Variants in SLC9A4 observed in about 807,000 individuals in gnomAD.
SLC9A4 encodes solute carrier family 9 member A4.
Under a neutral mutation model 67.4 loss-of-function variants are expected in SLC9A4, and 63 were observed. The ratio of observed to expected loss-of-function variants is 0.93; its 90% CI spans 0.76 to 1.15. SLC9A4 has a LOEUF of 1.15. SLC9A4 is among the 50% of genes most tolerant of loss of function. The pLI, the probability that SLC9A4 is intolerant of heterozygous loss-of-function variation, is 0.00. For synonymous variants in SLC9A4, 393 were observed against 367.2 expected, an observed-to-expected ratio of 1.07 and a Z score of -0.80; for missense variants, 1,089 against 987.7, an observed-to-expected ratio of 1.10 and a Z score of -1.38.
intron 2 of SLC9A4, among the ~76,000 whole-genome samples, chr2:102,500,957 T>C (rs1007176333): frequency 1.5e-5 from 1 of 68,030 alleles, no homozygotes; most frequent in Admixed American, 1.5e-4. Context: ...AAAGCAACAA[T>C]CTTTTTTTTT....
intron 2 of SLC9A4, among the ~76,000 whole-genome samples, chr2:102,495,357 T>G (rs1409216769): frequency 2.0e-5 from 3 of 152,072 alleles, no homozygotes; most frequent in African/African-American, 7.2e-5. Context: ...TATAGAACAT[T>G]GCTGGCAGGA....
chr2:102,526,399 A>G, intron 11 of SLC9A4, 53 bp downstream of exon 11: 1 of 1,558,488 alleles, frequency 6.4e-7, no homozygotes, highest in East Asian at 2.3e-5. Context: ...CAGGTGGTAA[A>G]TATCTGGGGG....
intron 2 of SLC9A4, among the ~76,000 whole-genome samples, chr2:102,496,151 T>A (rs184931769): frequency 2.0e-5 from 3 of 152,286 alleles, no homozygotes; most frequent in Admixed American, 2.0e-4. Flanking sequence ...AATATGGAAA[T>A]AATTTTAAAT....
chr2:102,523,133 ATT>A (rs33951404), intron 9 of SLC9A4, among the ~76,000 whole-genome samples: 72,807 of 148,264 alleles, frequency 0.49, 18,848 homozygotes, highest in Admixed American at 0.58. Context: ...CACACCCAGC[ATT>A]TTTTTTTTTT....
At chr2:102,520,036 T>A in intron 9 of SLC9A4, 81 bp downstream of exon 9, 1 of 1,156,400 alleles carries the variant, frequency 8.6e-7, no homozygotes, top group Non-Finnish European at 1.3e-6. Flanking sequence ...GATGTTCAAG[T>A]CTCCTGATGT....
At chr2:102,509,174 G>T (rs142067286) in intron 6 of SLC9A4, among the ~76,000 whole-genome samples, 1 of 152,190 alleles carries the variant, frequency 6.6e-6, no homozygotes, top group Non-Finnish European at 1.5e-5. Flanking sequence ...GCAGGGCTGC[G>T]CTCCTTTCTG....
intron 2 of SLC9A4, among the ~76,000 whole-genome samples, chr2:102,486,437 T>A (rs1684590918): frequency 6.6e-6 from 1 of 152,234 alleles, no homozygotes; most frequent in South Asian, 2.1e-4. Context: ...TGTCTGTCTA[T>A]CTGAACGTTG....
intron 2 of SLC9A4, among the ~76,000 whole-genome samples, chr2:102,503,038 C>T (rs937743368): frequency 6.6e-6 from 1 of 152,236 alleles, no homozygotes; most frequent in Non-Finnish European, 1.5e-5. Context: ...GGCCCTTCTG[C>T]CTGCACCTGA....
chr2:102,524,191 A>T lies in SLC9A4; in HGVS notation c.1819-833A>T, dbSNP rs940111186. On this transcript the variant is annotated intron_variant, in intron 9 of 11. Transcript: ENST00000295269. ...CCTATTACAGCATCCGTCACTTGGG[A>T]GGGAGAGCCCCTGCTGTCCCAATCC... 3.9e-5 allele frequency among the ~76,000 whole-genome samples: 6 copies of T among 152,316 alleles called. No homozygotes were observed. In the South Asian group the frequency reaches 1.0e-3, roughly 26 times the overall value.
chr2:102,519,419 T>C (rs911489628), intron 8 of SLC9A4, among the ~76,000 whole-genome samples: 5 of 152,226 alleles, frequency 3.3e-5, no homozygotes, highest in African/African-American at 1.2e-4. Flanking sequence ...CTCAATGAGA[T>C]AGGTAAGTAC....
At chr2:102,514,715 G>A (rs193222837) in intron 8 of SLC9A4, among the ~76,000 whole-genome samples, 215 of 152,240 alleles carry the variant, frequency 1.4e-3, no homozygotes, top group African/African-American at 4.7e-3. Context: ...CAAGAGGTGT[G>A]GTCATTGGTG....
At chr2:102,477,437 C>T (rs902201248) in intron 1 of SLC9A4, among the ~76,000 whole-genome samples, 1 of 152,196 alleles carries the variant, frequency 6.6e-6, no homozygotes, top group African/African-American at 2.4e-5. Flanking sequence ...TTTATACACT[C>T]AGCAAATAAG....
chr2:102,504,675 G>T (rs1354045628), intron 3 of SLC9A4, among the ~76,000 whole-genome samples: 1 of 152,180 alleles, frequency 6.6e-6, no homozygotes, highest in Non-Finnish European at 1.5e-5. Flanking sequence ...AATTAAATGT[G>T]ATAGTGTAAA....
Position 102,512,205 on chromosome 2 carries a change from G to A in SLC9A4, c.1491G>A (p.Leu497=), listed in dbSNP as rs780461441. The A allele has an allele frequency of 6.2e-7, 1 of 1,614,004 alleles. No homozygotes were observed. The highest frequency in any genetic ancestry group is 8.5e-7 in the Non-Finnish European group (1 of 1,179,898). ...ESINEELHIR[L]MDHLKAGIED... is the part of the protein sequence containing the mutation. ...ATTTTCTTGTGTTTGTTTGGCAGCT[G>A]ATGGATCACTTAAAGGCTGGAATCG... Residue 497 remains leucine, a splice_region_variant and synonymous_variant, in exon 7 of 12, where the codon CTG becomes CTA. Coordinates refer to ENST00000295269, the MANE Select transcript of SLC9A4 (RefSeq NM_001011552.4).
At chr2:102,494,924 C>T (rs1320096989) in intron 2 of SLC9A4, among the ~76,000 whole-genome samples, 5 of 152,032 alleles carry the variant, frequency 3.3e-5, no homozygotes, top group Non-Finnish European at 5.9e-5. Flanking sequence ...GGAAATGATA[C>T]TAAAATTAAG....
intron 2 of SLC9A4, among the ~76,000 whole-genome samples, chr2:102,491,913 G>T (rs755500291): frequency 6.6e-5 from 10 of 152,096 alleles, no homozygotes; most frequent in Non-Finnish European, 1.0e-4. Flanking sequence ...TAAAGGCACT[G>T]GGTAAATACA....
intron 2 of SLC9A4, among the ~76,000 whole-genome samples, chr2:102,500,412 G>A (rs1026765140): frequency 6.6e-6 from 1 of 152,186 alleles, no homozygotes; most frequent in Non-Finnish European, 1.5e-5. Flanking sequence ...CACCTAGCTT[G>A]TGGTACTTTG....
At chr2:102,522,492 G>C (rs947886005) in intron 9 of SLC9A4, among the ~76,000 whole-genome samples, 1 of 152,122 alleles carries the variant, frequency 6.6e-6, no homozygotes, top group African/African-American at 2.4e-5. Flanking sequence ...AAGCACGTGG[G>C]TCATGGGAGG....
Position 102,487,178 on chromosome 2 carries a change from G to GGTGT in SLC9A4, c.720+7901_720+7904dup, listed in dbSNP as rs55756786. Among the ~76,000 whole-genome samples the GGTGT allele has an allele frequency of 4.7e-3, 696 of 149,020 alleles. 2 individuals are homozygous for GGTGT. The highest frequency in any genetic ancestry group is 5.3e-3 in the African/African-American group (214 of 40,290). ...ACGGTGAACTTCTCAGCTCACAGCTGGTGTGTGTGTGTGTGTGTGTGTGTG... is the reference window on the plus strand; with the variant it reads ...ACGGTGAACTTCTCAGCTCACAGCTGGTGTGTGTGTGTGTGTGTGTGTGTGTGTG... On this transcript the variant is annotated intron_variant, in intron 2 of 11. Transcript: ENST00000295269.
Sources: gnomAD v4.1 joint callset for allele counts (sites outside exome capture counted in the v4.1 genomes callset) on GRCh38, gnomAD v4.1.1 for gene constraint, MANE v1.5 for transcripts, NCBI Gene and HGNC (gene_info 2026-07-23, HGNC 2026-07-21) for gene names.